The following SDHAF4 variants were observed in gnomAD, a reference collection of about 807,000 sequenced individuals.
SDHAF4 encodes succinate dehydrogenase assembly factor 4, mitochondrial.
SDHAF4 carries 14 observed loss-of-function variants against 14.3 expected under a neutral mutation model. That is an observed-to-expected ratio of 0.98 (90% CI 0.65 to 1.53). The LOEUF (loss-of-function observed/expected upper bound fraction) is 1.53. Ranked by LOEUF, SDHAF4 falls within the 40% of genes most tolerant of loss-of-function variation. The pLI is 0.00. For missense variants in SDHAF4, 141 were observed against 129.3 expected (o/e 1.09, Z -0.44); for synonymous variants, 63 against 47.3 (o/e 1.33, Z -1.36).
chr6:70,593,333 C>T (rs1264978182), downstream of SDHAF4, among the ~76,000 whole-genome samples: 4 of 152,350 alleles, frequency 2.6e-5, no homozygotes, highest in East Asian at 7.7e-4. Flanking sequence ...TGGGCCCACG[C>T]AGAGACTTAC....
chr6:70,590,237 CA>C (rs56245449), downstream of SDHAF4, among the ~76,000 whole-genome samples: 144,793 of 149,818 alleles, frequency 0.97, 69,970 homozygotes, highest in East Asian at 1. Flanking sequence ...GACCCTGTCT[CA>C]AAAAAAAAAA....
chr6:70,574,079 G>A (rs1802219752), intron 1 of SDHAF4, among the ~76,000 whole-genome samples: 1 of 152,110 alleles, frequency 6.6e-6, no homozygotes, highest in South Asian at 2.1e-4. Context: ...CCAGCACTTT[G>A]GGAGGCCAAG....
chr6:70,584,262 G>A (rs1045717029), intron 2 of SDHAF4, among the ~76,000 whole-genome samples: 3 of 152,086 alleles, frequency 2.0e-5, no homozygotes, highest in East Asian at 1.9e-4. Context: ...TGATCCGCTC[G>A]CCTCGGCCTC....
At chr6:70,583,719 A>C (rs35426375) in intron 2 of SDHAF4, among the ~76,000 whole-genome samples, 21,270 of 152,174 alleles carry the variant, frequency 0.14, 1,931 homozygotes, top group Middle Eastern at 0.22. Context: ...ACACAAAAAA[A>C]CTCAATGTTT....
chr6:70,593,916 A>G (rs767021300), downstream of SDHAF4, among the ~76,000 whole-genome samples: 4 of 152,010 alleles, frequency 2.6e-5, no homozygotes, highest in Non-Finnish European at 5.9e-5. Context: ...GCTGGTCTTG[A>G]ACTCCTGACC....
Position 70,566,961 on chromosome 6 carries a change from CT to C in SDHAF4, c.22del (p.Trp8GlyfsTer23). On this transcript the variant is annotated frameshift_variant, in exon 1 of 3. Transcript: ENST00000370474. LOFTEE classifies it high-confidence loss of function. The stretch of plus-strand genomic sequence containing the variant: ...GCGCCATGACCCCATCGAGGCTTCC[CT>C]GGTTGCTTAGCTGGGTCTCGGCCAC... MTPSRLP[W>X]LLSWVSATAW... The C allele has an allele frequency of 6.3e-7, 1 of 1,592,106 alleles. No individual in the cohort carries two copies. The highest frequency in any genetic ancestry group is 8.5e-7 in the Non-Finnish European group (1 of 1,169,600).
chr6:70,569,961 A>G (rs6929087), intron 1 of SDHAF4, among the ~76,000 whole-genome samples: 3 of 152,092 alleles, frequency 2.0e-5, no homozygotes, highest in Non-Finnish European at 4.4e-5. Flanking sequence ...TTTTTTTCAT[A>G]TCAAACACTT....
downstream of SDHAF4, among the ~76,000 whole-genome samples, chr6:70,593,787 G>GTTCAAGT (rs1179294627): frequency 6.6e-6 from 1 of 152,110 alleles, no homozygotes; most frequent in East Asian, 1.9e-4. Context: ...CTGCTCCTGG[G>GTTCAAGT]TTCAAGTGAT....
intron 1 of SDHAF4, among the ~76,000 whole-genome samples, chr6:70,576,622 A>T (rs1405086257): frequency 6.6e-6 from 1 of 152,226 alleles, no homozygotes; most frequent in African/African-American, 2.4e-5. Context: ...TAAACAAGGT[A>T]GGGTTATGTA....
chr6:70,580,016 G>T (rs1375425054), intron 2 of SDHAF4, among the ~76,000 whole-genome samples: 8 of 151,966 alleles, frequency 5.3e-5, no homozygotes, highest in Admixed American at 2.0e-4. Context: ...CAAAGCACTT[G>T]AGTCTTAACT....
chr6:70,591,334 A>ATTTTTTT (rs76350573), downstream of SDHAF4, among the ~76,000 whole-genome samples: 4 of 101,276 alleles, frequency 3.9e-5, no homozygotes, highest in Non-Finnish European at 7.9e-5. Flanking sequence ...GAGAGGAAAG[A>ATTTTTTT]TTTTTTTTTT....
At chr6:70,598,143 C>T in the SDHAF4 span, among the ~76,000 whole-genome samples, 1 of 152,086 alleles carries the variant, frequency 6.6e-6, no homozygotes, top group African/African-American at 2.4e-5. Flanking sequence ...TTTGGAAGGC[C>T]GAGGTGGGTG....
chr6:70,566,962 T>G lies in SDHAF4; in HGVS notation c.22T>G (p.Trp8Gly). Residue 8 changes from tryptophan (W) to glycine (G), a missense_variant, in exon 1 of 3, where the codon TGG (tryptophan) becomes GGG (glycine). Coordinates refer to ENST00000370474, the MANE Select transcript of SDHAF4 (RefSeq NM_145267.3). MTPSRLP[W>G]LLSWVSATAW... Reference sequence around the variant, plus strand: ...CGCCATGACCCCATCGAGGCTTCCCTGGTTGCTTAGCTGGGTCTCGGCCAC... The same window carrying G: ...CGCCATGACCCCATCGAGGCTTCCCGGGTTGCTTAGCTGGGTCTCGGCCAC... The G allele has an allele frequency of 6.3e-7, 1 of 1,592,286 alleles. No homozygotes were observed. The highest frequency in any genetic ancestry group is 8.5e-7 in the Non-Finnish European group (1 of 1,169,712).
At chr6:70,578,453 T>C (rs1023987132) in intron 1 of SDHAF4, among the ~76,000 whole-genome samples, 2 of 152,190 alleles carry the variant, frequency 1.3e-5, no homozygotes, top group African/African-American at 2.4e-5. Context: ...TTAAGTTCCT[T>C]ATAGATTCTG....
chr6:70,588,388 C>T (rs1765227319), intron 2 of SDHAF4, among the ~76,000 whole-genome samples: 1 of 152,110 alleles, frequency 6.6e-6, no homozygotes, highest in Admixed American at 6.6e-5. Flanking sequence ...GGCGTGGTGG[C>T]ATGTGCGTGT....
At chr6:70,594,213 T>C (rs1190391903), downstream of SDHAF4, among the ~76,000 whole-genome samples, 1 of 152,206 alleles carries the variant, frequency 6.6e-6, no homozygotes, top group Non-Finnish European at 1.5e-5. Flanking sequence ...CTTGGGGCTA[T>C]GAAGATAGAA....
chr6:70,571,737 T>TA (rs1252110778), intron 1 of SDHAF4, among the ~76,000 whole-genome samples: 1 of 152,220 alleles, frequency 6.6e-6, no homozygotes, highest in Non-Finnish European at 1.5e-5. Context: ...GAGGGTTTGT[T>TA]ACAACTCACC....
chr6:70,581,906 G>C (rs1765131101), intron 2 of SDHAF4, among the ~76,000 whole-genome samples: 1 of 152,014 alleles, frequency 6.6e-6, no homozygotes, highest in Non-Finnish European at 1.5e-5. Context: ...ACCATTCCTG[G>C]CATGCTTTCT....
chr6:70,567,988 A>G (rs1269973885), intron 1 of SDHAF4, among the ~76,000 whole-genome samples: 1 of 152,220 alleles, frequency 6.6e-6, no homozygotes, highest in Non-Finnish European at 1.5e-5. Flanking sequence ...CCCGGTCCGC[A>G]AAACATAATT....
Sources: allele counts gnomAD v4.1 joint callset (sites outside exome capture counted in the v4.1 genomes callset), GRCh38; gene constraint gnomAD v4.1.1; transcripts MANE v1.5; gene names NCBI Gene and HGNC (gene_info 2026-07-23, HGNC 2026-07-21).